RAB30: variants seen among roughly 807,000 people sequenced by gnomAD.
RAB30 encodes RAB30, member RAS oncogene family.
A neutral mutation model predicts 25.1 loss-of-function variants in RAB30; 9 were observed. The ratio of observed to expected loss-of-function variants is 0.36; its 90% CI spans 0.22 to 0.63. RAB30 has a LOEUF of 0.63. Among genes scored for constraint, RAB30 ranks in the 20% least tolerant of loss-of-function variants. RAB30 has a pLI of 0.69. For synonymous variants in RAB30, 77 were observed against 86.4 expected, an observed-to-expected ratio of 0.89 and a Z score of 0.60; for missense variants, 140 against 243.5, an observed-to-expected ratio of 0.58 and a Z score of 2.83.
At chr11:82,984,489 G>A (rs931630024) in intron 4 of RAB30, among the ~76,000 whole-genome samples, 3 of 152,150 alleles carry the variant, frequency 2.0e-5, no homozygotes, top group Admixed American at 6.5e-5. Flanking sequence ...GAGGGTTGCC[G>A]GATGCTGATC....
chr11:83,059,374 G>C (rs1008294075), intron 1 of RAB30, among the ~76,000 whole-genome samples: 4 of 152,042 alleles, frequency 2.6e-5, no homozygotes, highest in South Asian at 2.1e-4. Context: ...TCTGTACTTA[G>C]AGAACACCCT....
chr11:82,994,785 C>A (rs1250950100), intron 2 of RAB30, among the ~76,000 whole-genome samples: 1 of 152,112 alleles, frequency 6.6e-6, no homozygotes, highest in East Asian at 1.9e-4. Flanking sequence ...GCCAAAGACA[C>A]TGGGAAGATA....
intron 1 of RAB30, among the ~76,000 whole-genome samples, chr11:83,042,082 T>C (rs1858131403): frequency 6.6e-6 from 1 of 151,524 alleles, no homozygotes; most frequent in African/African-American, 2.4e-5. Flanking sequence ...ACTCCTCTAC[T>C]ATTTGTTCAG....
intron 1 of RAB30, among the ~76,000 whole-genome samples, chr11:83,061,456 G>C (rs1858575357): frequency 6.6e-6 from 1 of 152,136 alleles, no homozygotes; most frequent in African/African-American, 2.4e-5. Context: ...AAATATGATT[G>C]TTTCCATGTA....
chr11:83,052,520 T>C (rs895440833), intron 1 of RAB30, among the ~76,000 whole-genome samples: 23 of 152,388 alleles, frequency 1.5e-4, no homozygotes, highest in African/African-American at 5.1e-4. Context: ...TGCAGCCATG[T>C]GTGGGAACTT....
At chr11:83,017,167 A>T (rs10792671) in intron 1 of RAB30, among the ~76,000 whole-genome samples, 4 of 151,702 alleles carry the variant, frequency 2.6e-5, no homozygotes, top group African/African-American at 4.9e-5. Flanking sequence ...GGCAAAACTA[A>T]GTTCCCACAA....
At chr11:83,015,488 G>A (rs1857415834) in intron 1 of RAB30, among the ~76,000 whole-genome samples, 1 of 152,176 alleles carries the variant, frequency 6.6e-6, no homozygotes, top group Admixed American at 6.5e-5. Flanking sequence ...GATTGGAGTG[G>A]AGCTGAATCA....
chr11:83,032,894 T>C (rs1447650766), intron 1 of RAB30, among the ~76,000 whole-genome samples: 1 of 152,024 alleles, frequency 6.6e-6, no homozygotes, highest in Non-Finnish European at 1.5e-5. Context: ...ATAATCTATC[T>C]ATCAAGAATG....
intron 1 of RAB30, among the ~76,000 whole-genome samples, chr11:83,001,428 C>T (rs949626445): frequency 3.9e-5 from 6 of 152,196 alleles, no homozygotes; most frequent in Non-Finnish European, 5.9e-5. Flanking sequence ...AGTCCTTCCA[C>T]TCAGCCTTCC....
chr11:83,049,548 A>G (rs922511009), intron 1 of RAB30, among the ~76,000 whole-genome samples: 52 of 151,120 alleles, frequency 3.4e-4, no homozygotes, highest in African/African-American at 1.2e-3. Flanking sequence ...TGGCGTGATC[A>G]TAGCTCACTA....
At chr11:83,032,933 C>G (rs912551421) in intron 1 of RAB30, among the ~76,000 whole-genome samples, 1 of 151,692 alleles carries the variant, frequency 6.6e-6, no homozygotes, top group Admixed American at 6.6e-5. Flanking sequence ...TTCTAAGTTA[C>G]CTAGATATGA....
intron 1 of RAB30, among the ~76,000 whole-genome samples, chr11:83,050,857 G>A (rs1305977710): frequency 2.6e-5 from 4 of 152,014 alleles, no homozygotes; most frequent in Non-Finnish European, 5.9e-5. Context: ...TGTGGCTGTG[G>A]TAATAAGGGT....
intron 1 of RAB30, among the ~76,000 whole-genome samples, chr11:83,063,494 T>C (rs1363134084): frequency 1.3e-5 from 2 of 152,254 alleles, no homozygotes; most frequent in East Asian, 1.9e-4. Context: ...TTTTAAACAC[T>C]GTACTGTGTT....
intron 1 of RAB30, among the ~76,000 whole-genome samples, chr11:83,055,120 T>A (rs1320694132): frequency 3.3e-5 from 5 of 152,182 alleles, no homozygotes; most frequent in African/African-American, 1.2e-4. Flanking sequence ...TCTCTCTGAG[T>A]CACAATTTCT....
intron 1 of RAB30, among the ~76,000 whole-genome samples, chr11:83,019,499 T>G (rs1424731144): frequency 6.6e-6 from 1 of 152,176 alleles, no homozygotes; most frequent in Non-Finnish European, 1.5e-5. Context: ...TGTTTTACCA[T>G]GTGGCAACAC....
intron 1 of RAB30, chr11:83,034,716 T>C (rs950086936): frequency 1.1e-4 from 17 of 152,344 alleles, no homozygotes; most frequent in African/African-American, 3.4e-4. Flanking sequence ...ATAAGTATTT[T>C]GAGCACTTAC....
chr11:83,070,226 G>T (rs745990127), intron 1 of RAB30, among the ~76,000 whole-genome samples: 1 of 152,130 alleles, frequency 6.6e-6, no homozygotes, highest in Non-Finnish European at 1.5e-5. Flanking sequence ...AGAGGCAAAG[G>T]CTAACTGTTG....
chr11:83,037,175 G>A (rs1326961641), intron 1 of RAB30, among the ~76,000 whole-genome samples: 1 of 151,888 alleles, frequency 6.6e-6, no homozygotes, highest in African/African-American at 2.4e-5. Flanking sequence ...TACTTGAGGT[G>A]ATACTAAGTG....
At chr11:83,003,826 T>C (rs192323554) in intron 1 of RAB30, among the ~76,000 whole-genome samples, 2 of 152,192 alleles carry the variant, frequency 1.3e-5, no homozygotes, top group South Asian at 2.1e-4. Context: ...TTTTTTTCTA[T>C]AGAATGGTAT....
Sources: gnomAD v4.1 joint callset for allele counts (sites outside exome capture counted in the v4.1 genomes callset) on GRCh38, gnomAD v4.1.1 for gene constraint, MANE v1.5 for transcripts, NCBI Gene and HGNC (gene_info 2026-07-23, HGNC 2026-07-21) for gene names.